STK3: variants seen among roughly 807,000 people sequenced by gnomAD.
The protein encoded by STK3 is serine/threonine-protein kinase 3.
STK3 carries 41 observed loss-of-function variants against 58.0 expected under a neutral mutation model. The observed-to-expected ratio is 0.71, with a 90% CI of 0.55 to 0.92. The LOEUF is 0.92. STK3 is among the 40% of genes least tolerant of loss of function. The pLI, the probability that STK3 is intolerant of heterozygous loss-of-function variation, is 0.00. For missense variants in STK3, 479 were observed against 602.7 expected, an observed-to-expected ratio of 0.79 and a Z score of 2.15; for synonymous variants, 170 against 191.0, an observed-to-expected ratio of 0.89 and a Z score of 0.91.
intron 6 of STK3, among the ~76,000 whole-genome samples, chr8:98,621,282 C>G (rs1818295529): frequency 6.6e-6 from 1 of 152,188 alleles, no homozygotes; most frequent in South Asian, 2.1e-4. Context: ...CCTTGTTGCG[C>G]TTACTCATTA....
At chr8:98,722,953 G>A (rs776578011) in intron 4 of STK3, 3 of 471,392 alleles carry the variant, frequency 6.4e-6, no homozygotes, top group East Asian at 6.2e-5. Flanking sequence ...TCCTTCAGTG[G>A]TATCTGTTAA....
intron 3 of STK3, among the ~76,000 whole-genome samples, chr8:98,847,441 G>A (rs191256970): frequency 1.1e-3 from 160 of 152,248 alleles, no homozygotes; most frequent in African/African-American, 3.7e-3. Flanking sequence ...TTTTGAACCC[G>A]AACCCACAGC....
At chr8:98,354,227 A>G in the STK3 span, among the ~76,000 whole-genome samples, 1 of 152,180 alleles carries the variant, frequency 6.6e-6, no homozygotes, top group African/African-American at 2.4e-5. Context: ...TCCTGGTCCA[A>G]TTAGTTGGAG....
intron 10 of STK3, among the ~76,000 whole-genome samples, chr8:98,485,496 C>T (rs1259197632): frequency 2.0e-5 from 3 of 152,154 alleles, no homozygotes; most frequent in Non-Finnish European, 4.4e-5. Context: ...TACACAGTCA[C>T]AAGCAATTAC....
At chr8:98,586,634 C>G (rs1201444575) in intron 7 of STK3, among the ~76,000 whole-genome samples, 1 of 151,190 alleles carries the variant, frequency 6.6e-6, no homozygotes, top group African/African-American at 2.4e-5. Context: ...GGAGGATTCC[C>G]TCTTTTTCTA....
intron 3 of STK3, among the ~76,000 whole-genome samples, chr8:98,416,563 G>A (rs1818116829): frequency 6.6e-6 from 1 of 152,214 alleles, no homozygotes; most frequent in South Asian, 2.1e-4. Context: ...GTGCAGGTGG[G>A]AGAGGGTCAG....
At chr8:98,403,596 C>T (rs1817965473) in intron 3 of STK3, among the ~76,000 whole-genome samples, 1 of 151,944 alleles carries the variant, frequency 6.6e-6, no homozygotes, top group Non-Finnish European at 1.5e-5. Context: ...CCAATTCCCA[C>T]CAGTCATTGT....
intron 3 of STK3, among the ~76,000 whole-genome samples, chr8:98,425,501 C>T (rs1818222075): frequency 6.6e-6 from 1 of 152,228 alleles, no homozygotes; most frequent in South Asian, 2.1e-4. Flanking sequence ...GTGTGGCCCT[C>T]ACTACCCTAC....
rs117261560 is a variant in STK3 at position 98,373,328 on chromosome 8, T to C, written n.112-1650A>G. Among the ~76,000 whole-genome samples, 1,000 of 152,316 alleles carry C rather than the reference T, an allele frequency of 6.6e-3. 4 individuals carry two copies. Among genetic ancestry groups the C allele is most frequent in the Middle Eastern group, 0.017 (5 of 294 alleles). On this transcript the variant is annotated intron_variant and non_coding_transcript_variant, in intron 2 of 2. Coordinates refer to the STK3 transcript ENST00000518704. ...GATTCTAGATCCACATTCTTTTCCA[T>C]GTAAAGTGCATTTCCTCCCACCGTG...
At chr8:98,538,881 C>T (rs1220062007) in intron 9 of STK3, among the ~76,000 whole-genome samples, 1 of 152,150 alleles carries the variant, frequency 6.6e-6, no homozygotes, top group Admixed American at 6.5e-5. Flanking sequence ...AACTCCAAAC[C>T]ACTGCAGCCA....
intron 1 of STK3, among the ~76,000 whole-genome samples, chr8:98,806,644 C>G (rs1341605000): frequency 6.6e-6 from 1 of 152,142 alleles, no homozygotes; most frequent in Non-Finnish European, 1.5e-5. Flanking sequence ...CACTGGAGCT[C>G]AGAGGGAGCA....
intron 1 of STK3, among the ~76,000 whole-genome samples, chr8:98,822,526 G>A (rs559292095): frequency 6.6e-6 from 1 of 152,262 alleles, no homozygotes; most frequent in African/African-American, 2.4e-5. Context: ...AGAATAAAAA[G>A]ATGGTATATA....
intron 4 of STK3, among the ~76,000 whole-genome samples, chr8:98,741,036 AAG>A (rs1194957598): frequency 6.6e-6 from 1 of 152,218 alleles, no homozygotes; most frequent in Admixed American, 6.5e-5. Context: ...ATTCAACAAG[AAG>A]AGCTAACTAT....
intron 8 of STK3, among the ~76,000 whole-genome samples, chr8:98,551,425 T>C (rs1811160056): frequency 6.6e-6 from 1 of 152,280 alleles, no homozygotes; most frequent in South Asian, 2.1e-4. Flanking sequence ...TTGTGAAAGT[T>C]GTCAGAATCA....
chr8:98,857,540 T>A (rs1000863494), intron 3 of STK3, among the ~76,000 whole-genome samples: 4 of 149,760 alleles, frequency 2.7e-5, no homozygotes, highest in Admixed American at 2.0e-4. Flanking sequence ...AAGAGCAGAA[T>A]AAAAAAAAGA....
At chr8:98,354,666 A>C in the STK3 span, among the ~76,000 whole-genome samples, 6 of 152,200 alleles carry the variant, frequency 3.9e-5, no homozygotes, top group Non-Finnish European at 8.8e-5. Flanking sequence ...TAAAATAGGC[A>C]AATCCTGGGC....
chr8:98,686,346 A>C lies in STK3; in HGVS notation c.684+20121T>G, dbSNP rs1823997272. On this transcript the variant is annotated intron_variant, in intron 6 of 10. Transcript: ENST00000419617. ...TACTGTCCAACTGGTCCCAAAGCCA[A>C]ATTTATTGCCTTTATGTTAGAATAT... 2.0e-5 allele frequency among the ~76,000 whole-genome samples: 3 copies of C among 152,216 alleles called. 1 individual carries two copies. The South Asian group carries it at 6.2e-4, about 32-fold the overall frequency.
chr8:98,371,734 G>A (rs759465574), intron 2 of STK3: 1 of 152,238 alleles, frequency 6.6e-6, no homozygotes, highest in Non-Finnish European at 1.5e-5. Flanking sequence ...TTTTTAACTT[G>A]TCTAAGGGCC....
intron 1 of STK3, among the ~76,000 whole-genome samples, chr8:98,940,602 G>A (rs1022320732): frequency 1.3e-5 from 2 of 152,252 alleles, no homozygotes; most frequent in African/African-American, 4.8e-5. Context: ...ACGCGGGAAG[G>A]CCCCCGCGCC....
Sources: gnomAD v4.1 joint callset for allele counts (sites outside exome capture counted in the v4.1 genomes callset) on GRCh38, gnomAD v4.1.1 for gene constraint, MANE v1.5 for transcripts, NCBI Gene and HGNC (gene_info 2026-07-23, HGNC 2026-07-21) for gene names.